Variants in BNC2 observed in about 807,000 individuals in gnomAD.
BNC2 encodes the protein basonuclin zinc finger protein 2, also known as zinc finger protein basonuclin-2.
A neutral mutation model predicts 76.3 loss-of-function variants in BNC2; 20 were observed. The ratio of observed to expected loss-of-function variants is 0.26; its 90% confidence interval spans 0.18 to 0.38. The LOEUF (loss-of-function observed/expected upper bound fraction) is 0.38. Among genes scored for constraint, BNC2 ranks in the 10% least tolerant of loss-of-function variants. The pLI is 1.00. For synonymous variants in BNC2, 582 were observed against 514.8 expected (o/e 1.13, Z -1.77); for missense variants, 1,382 against 1,399.8 (o/e 0.99, Z 0.20).
At chr9:16,835,557 C>T (rs1476848919) in intron 1 of BNC2, among the ~76,000 whole-genome samples, 1 of 152,074 alleles carries the variant, frequency 6.6e-6, no homozygotes, top group Non-Finnish European at 1.5e-5. Flanking sequence ...AAAAATTAGC[C>T]AGGCATGGTG....
intron 5 of BNC2, among the ~76,000 whole-genome samples, chr9:16,459,453 A>G (rs1821527033): frequency 6.6e-6 from 1 of 152,068 alleles, no homozygotes; most frequent in African/African-American, 2.4e-5. Context: ...GGTGGGTGGG[A>G]TTCGAAGGCT....
chr9:16,572,295 A>G (rs1434201705), intron 4 of BNC2, among the ~76,000 whole-genome samples: 1 of 152,196 alleles, frequency 6.6e-6, no homozygotes, highest in Non-Finnish European at 1.5e-5. Flanking sequence ...TTGTCTGAAG[A>G]CAGAGGGAAA....
chr9:16,419,746 T>G, intron 6 of BNC2, 97 bp from the exon 7 acceptor site: 246 of 717,120 alleles, frequency 3.4e-4, no homozygotes, highest in Non-Finnish European at 3.4e-4. Context: ...TTTCACTAGG[T>G]ATCAAATAAG....
At chr9:16,763,010 A>T (rs1053572510) in intron 1 of BNC2, among the ~76,000 whole-genome samples, 2 of 152,208 alleles carry the variant, frequency 1.3e-5, no homozygotes, top group African/African-American at 4.8e-5. Context: ...AGACTCACTT[A>T]TCAATACAGT....
intron 3 of BNC2, among the ~76,000 whole-genome samples, chr9:16,679,312 T>C (rs1822753409): frequency 6.6e-6 from 1 of 152,214 alleles, no homozygotes; most frequent in African/African-American, 2.4e-5. Flanking sequence ...CATTAAATAA[T>C]ATACCACTTT....
intron 1 of BNC2, among the ~76,000 whole-genome samples, chr9:16,846,410 ATTTGTCACCAAT>A (rs1000351288): frequency 6.6e-6 from 1 of 152,210 alleles, no homozygotes. Flanking sequence ...TTTGAAAAAT[ATTTGTCACCAAT>A]TCTGTGGTAT....
At chr9:16,725,562 T>C (rs1187147008) in intron 3 of BNC2, among the ~76,000 whole-genome samples, 1 of 152,228 alleles carries the variant, frequency 6.6e-6, no homozygotes, top group Non-Finnish European at 1.5e-5. Flanking sequence ...TCTCTCCTTT[T>C]GTTGTACTAC....
At chr9:16,691,809 A>ATTTT (rs35924079) in intron 3 of BNC2, among the ~76,000 whole-genome samples, 1 of 129,484 alleles carries the variant, frequency 7.7e-6, no homozygotes, top group African/African-American at 3.0e-5. Flanking sequence ...GTGCCCAGCC[A>ATTTT]TTTTTTTTTT....
intron 1 of BNC2, among the ~76,000 whole-genome samples, chr9:16,844,072 C>T (rs377344980): frequency 2.0e-5 from 3 of 151,856 alleles, no homozygotes; most frequent in South Asian, 2.1e-4. Flanking sequence ...CCAGCCTGGG[C>T]AACATAGTGA....
chr9:16,481,989 G>C (rs1164783038), intron 5 of BNC2, among the ~76,000 whole-genome samples: 1 of 152,124 alleles, frequency 6.6e-6, no homozygotes, highest in Non-Finnish European at 1.5e-5. Flanking sequence ...GAGCTCCAAA[G>C]TATGTGTAAT....
At chr9:16,666,895 AT>A (rs1440283082) in intron 3 of BNC2, among the ~76,000 whole-genome samples, 2 of 151,874 alleles carry the variant, frequency 1.3e-5, no homozygotes, top group Non-Finnish European at 2.9e-5. Context: ...ACATATTTTG[AT>A]TTTTTTTCTG....
intron 5 of BNC2, among the ~76,000 whole-genome samples, chr9:16,531,311 C>T (rs1817967138): frequency 6.6e-6 from 1 of 151,848 alleles, no homozygotes; most frequent in Non-Finnish European, 1.5e-5. Flanking sequence ...ATTCCAAAGG[C>T]TTCTCCTTCA....
At chr9:16,819,640 G>GAGCA (rs2135932535) in intron 1 of BNC2, among the ~76,000 whole-genome samples, 1 of 152,056 alleles carries the variant, frequency 6.6e-6, no homozygotes, top group African/African-American at 2.4e-5. Context: ...CTGGGTGACA[G>GAGCA]AGCAAGATTC....
intron 3 of BNC2, among the ~76,000 whole-genome samples, chr9:16,637,778 A>T (rs1024478714): frequency 2.0e-5 from 3 of 152,194 alleles, no homozygotes; most frequent in Admixed American, 6.5e-5. Context: ...TACAAATGAA[A>T]CTAGATTAAA....
At chr9:16,704,269 G>A (rs1010267641) in intron 3 of BNC2, among the ~76,000 whole-genome samples, 16 of 152,298 alleles carry the variant, frequency 1.1e-4, no homozygotes, top group African/African-American at 3.6e-4. Flanking sequence ...GTAACTGTAA[G>A]CCTAAAACAA....
intron 3 of BNC2, among the ~76,000 whole-genome samples, chr9:16,601,583 C>G (rs1330344201): frequency 5.9e-5 from 9 of 152,130 alleles, no homozygotes. Flanking sequence ...TCCAAGCCAA[C>G]TGTTGAAGCA....
chr9:16,638,491 T>C (rs1332573111), intron 3 of BNC2, among the ~76,000 whole-genome samples: 1 of 152,140 alleles, frequency 6.6e-6, no homozygotes, highest in Non-Finnish European at 1.5e-5. Flanking sequence ...TTTAGTAAGT[T>C]AAACACCCAA....
chr9:16,839,838 G>T lies in BNC2; in HGVS notation c.3+30808C>A, dbSNP rs191523822. Among the ~76,000 whole-genome samples, 3 of 151,960 alleles carry T rather than the reference G, an allele frequency of 2.0e-5. No homozygotes were observed. In the East Asian group the frequency reaches 5.8e-4, roughly 29 times the overall value. On this transcript the variant is annotated intron_variant, in intron 1 of 6. Transcript: ENST00000380672. ...TTACAAATGATTAGTCAACCAATGC[G>T]GTGTGGTGCATGTACCTACGTACAA... is the stretch of plus-strand genomic sequence containing the variant.
chr9:16,647,330 C>T (rs1157100853), intron 3 of BNC2, among the ~76,000 whole-genome samples: 2 of 151,876 alleles, frequency 1.3e-5, no homozygotes, highest in Non-Finnish European at 2.9e-5. Flanking sequence ...AGAGAATTGG[C>T]GGAATGTGTG....
Sources: gnomAD v4.1 joint callset for allele counts (sites outside exome capture counted in the v4.1 genomes callset) on GRCh38, gnomAD v4.1.1 for gene constraint, MANE v1.5 for transcripts, NCBI Gene and HGNC (gene_info 2026-07-23, HGNC 2026-07-21) for gene names.